The following TANC1 variants were observed in gnomAD, a reference collection of about 807,000 sequenced individuals.
The protein encoded by TANC1 is tetratricopeptide repeat, ankyrin repeat and coiled-coil containing 1.
A neutral mutation model predicts 149.7 loss-of-function variants in TANC1; 77 were observed. That is an observed-to-expected ratio of 0.51 (90% CI 0.43 to 0.62). The LOEUF (loss-of-function observed/expected upper bound fraction) is 0.62. Among genes scored for constraint, TANC1 ranks in the 20% least tolerant of loss-of-function variants. The pLI, the probability that TANC1 is intolerant of heterozygous loss-of-function variation, is 0.00. For missense variants in TANC1, 1,985 were observed against 2,321.8 expected (o/e 0.85, Z 2.98); for synonymous variants, 854 against 925.0 (o/e 0.92, Z 1.39).
chr2:159,042,944 C>A (rs1414011987), intron 2 of TANC1, among the ~76,000 whole-genome samples: 1 of 152,112 alleles, frequency 6.6e-6, no homozygotes, highest in African/African-American at 2.4e-5. Flanking sequence ...TCGTTGTGGA[C>A]TGGGCTGTAA....
intron 7 of TANC1, among the ~76,000 whole-genome samples, chr2:159,160,991 C>T (rs545618525): frequency 1.3e-5 from 2 of 152,176 alleles, no homozygotes; most frequent in South Asian, 2.1e-4. Context: ...TCCCCCTCCA[C>T]GAGATGCTGG....
chr2:159,025,337 C>T (rs2039243977), intron 2 of TANC1, among the ~76,000 whole-genome samples: 1 of 151,342 alleles, frequency 6.6e-6, no homozygotes, highest in African/African-American at 2.4e-5. Context: ...TAACAAAGTA[C>T]CACTAAGCAA....
At position 159,230,213 on chromosome 2, in the gene TANC1, A is replaced by C; in HGVS notation, c.4787A>C (p.His1596Pro). Residue 1596 changes from histidine (H) to proline (P), a missense_variant, in exon 27 of 27, where the codon CAC becomes CCC. By Grantham distance (77) the His-to-Pro change is moderately conservative. Around this residue, in one of 3 missense-constraint regions of TANC1, gnomAD observed 920 missense variants for 994.7 expected, o/e 0.92. Transcript: ENST00000263635. This position sits in a 1 kb window ranked among gnomAD's most constrained non-coding sequence, Gnocchi z 4.4. ...GTFTTRAGCG[H>P]FGDRLGPSQN... ...TTCACTACAAGAGCTGGTTGTGGCC[A>C]CTTTGGGGATCGGCTGGGCCCCAGC... 2 of 1,613,964 alleles carry C rather than the reference A, an allele frequency of 1.2e-6. No homozygotes were observed. The highest frequency in any genetic ancestry group is 1.7e-6 in the Non-Finnish European group (2 of 1,180,024).
chr2:159,020,242 T>A (rs1388516577), intron 2 of TANC1, among the ~76,000 whole-genome samples: 1 of 152,078 alleles, frequency 6.6e-6, no homozygotes, highest in Non-Finnish European at 1.5e-5. Flanking sequence ...GCCTCCTGAG[T>A]AGGTGGGATT....
At chr2:159,152,690 C>G (rs1383022204) in intron 7 of TANC1, among the ~76,000 whole-genome samples, 6 of 152,124 alleles carry the variant, frequency 3.9e-5, no homozygotes, top group Non-Finnish European at 7.4e-5. Flanking sequence ...CACTGTGTTA[C>G]CCAGGCTGGT....
chr2:159,133,358 TC>T (rs1181412228), intron 4 of TANC1, among the ~76,000 whole-genome samples: 19,242 of 107,478 alleles, frequency 0.18, 1,513 homozygotes, highest in East Asian at 0.54. Context: ...TTTTTTTTTT[TC>T]TCTTTTTTTG....
chr2:159,055,585 T>C (rs542670875), intron 2 of TANC1, among the ~76,000 whole-genome samples: 1 of 152,318 alleles, frequency 6.6e-6, no homozygotes, highest in Admixed American at 6.5e-5. Flanking sequence ...ATTTTAAAAA[T>C]TCTTTAAAAA....
intron 3 of TANC1, among the ~76,000 whole-genome samples, chr2:159,083,117 G>A (rs1203383316): frequency 1.3e-5 from 2 of 152,018 alleles, no homozygotes; most frequent in African/African-American, 4.8e-5. Flanking sequence ...GCTAATTTTT[G>A]TATTTTTAGT....
At chr2:159,122,645 G>T (rs956841903) in intron 4 of TANC1, among the ~76,000 whole-genome samples, 1 of 152,068 alleles carries the variant, frequency 6.6e-6, no homozygotes, top group Non-Finnish European at 1.5e-5. Flanking sequence ...CTATAGTTTT[G>T]CCTTTTCAGA....
chr2:159,012,089 A>C (rs2037831997), intron 2 of TANC1, among the ~76,000 whole-genome samples: 1 of 152,188 alleles, frequency 6.6e-6, no homozygotes, highest in African/African-American at 2.4e-5. Context: ...ATAGAAGGAA[A>C]CAGGAACCAG....
At chr2:159,013,726 G>A (rs1246237709) in intron 2 of TANC1, among the ~76,000 whole-genome samples, 8 of 152,180 alleles carry the variant, frequency 5.3e-5, no homozygotes, top group Non-Finnish European at 1.0e-4. Context: ...GGGTTGTGTT[G>A]TCTGAGGTCA....
At chr2:159,217,738 C>A in intron 20 of TANC1, 108 bp downstream of exon 20, 1 of 1,404,264 alleles carries the variant, frequency 7.1e-7, no homozygotes, top group Non-Finnish European at 9.8e-7. Flanking sequence ...CTGTCTGTTC[C>A]CCATCCTCGG....
chr2:159,089,123 C>T (rs2045267420), intron 3 of TANC1, among the ~76,000 whole-genome samples: 1 of 152,100 alleles, frequency 6.6e-6, no homozygotes, highest in Non-Finnish European at 1.5e-5. Flanking sequence ...TGCTATCCTC[C>T]CCCTTCCACA....
chr2:158,988,458 C>T lies in TANC1; in HGVS notation c.-125-12622C>T, dbSNP rs543426819. 4.6e-5 allele frequency among the ~76,000 whole-genome samples: 7 copies of T among 152,106 alleles called. No homozygotes were observed. In the East Asian group the frequency reaches 1.2e-3, roughly 25 times the overall value. Reference sequence around the variant, plus strand: ...GAGCAAGATTTGGGTTCATTAACTGCTTGCTGCTGATTAGTTCATTTTTCC... The same window carrying T: ...GAGCAAGATTTGGGTTCATTAACTGTTTGCTGCTGATTAGTTCATTTTTCC... On this transcript the variant is annotated intron_variant, in intron 1 of 26. Transcript: ENST00000263635.
chr2:159,230,315 TTCTG>T lies in TANC1; in HGVS notation c.4893_4896del (p.Ser1632IlefsTer41). The T allele has an allele frequency of 6.2e-7, 1 of 1,614,048 alleles. No individual in the cohort carries two copies. The highest frequency in any genetic ancestry group is 8.5e-7 in the Non-Finnish European group (1 of 1,180,024). On this transcript the variant is annotated frameshift_variant, in exon 27 of 27. Transcript: ENST00000263635. LOFTEE classifies it high-confidence loss of function. This position sits in a 1 kb window ranked among gnomAD's most constrained non-coding sequence, Gnocchi z 4.4. ...AGTAAGACGAAAACCACAGAGAGGC[TTCTG>T]TCTCATTCCTCCGTGGCTGTGGACG...
At chr2:159,028,750 G>A (rs139697368) in intron 2 of TANC1, among the ~76,000 whole-genome samples, 3 of 152,084 alleles carry the variant, frequency 2.0e-5, no homozygotes, top group Admixed American at 6.5e-5. Context: ...CTATGAGTTT[G>A]ATTATTAATT....
chr2:159,109,471 G>A (rs1234865953), intron 4 of TANC1, among the ~76,000 whole-genome samples: 1 of 152,216 alleles, frequency 6.6e-6, no homozygotes, highest in Non-Finnish European at 1.5e-5. Flanking sequence ...GAACCTCCAT[G>A]ATGGGATTAA....
At chr2:159,228,568 T>G (rs1211166333) in intron 25 of TANC1, 5 of 493,972 alleles carry the variant, frequency 1.0e-5, no homozygotes. Context: ...TCTGGCCTTC[T>G]TGGGGCACTG....
At position 159,118,566 on chromosome 2, in the gene TANC1, G is replaced by C. The variant is rs540813678; in HGVS notation, c.260-17628G>C. Among the ~76,000 whole-genome samples the C allele has an allele frequency of 3.9e-5, 6 of 152,320 alleles. No individual in the cohort carries two copies. In the South Asian group the frequency reaches 1.2e-3, roughly 32 times the overall value. ...GTCCTCTCAGGTGCAGTCAGAGTCT[G>C]TCCTAAGATGGGGGTAGGGAGTTGC... On this transcript the variant is annotated intron_variant, in intron 4 of 26. Transcript: ENST00000263635.
Sources: allele counts gnomAD v4.1 joint callset (sites outside exome capture counted in the v4.1 genomes callset), GRCh38; gene constraint gnomAD v4.1.1; regional missense constraint gnomAD v4.1.1; non-coding constraint Gnocchi (gnomAD v3.1); transcripts MANE v1.5; gene names NCBI Gene and HGNC (gene_info 2026-07-23, HGNC 2026-07-21).